Variants in IGSF11 observed in about 807,000 individuals in gnomAD.
The protein encoded by IGSF11 is immunoglobulin superfamily member 11, also known as CXADR like 1.
IGSF11 carries 22 observed loss-of-function variants against 41.0 expected under a neutral mutation model. That is an observed-to-expected ratio of 0.54 (90% CI 0.38 to 0.77). The LOEUF is 0.77. Ranked by LOEUF, IGSF11 falls within the 30% of genes least tolerant of loss-of-function variation. The pLI is 0.00. For missense variants in IGSF11, 444 were observed against 530.8 expected (o/e 0.84, Z 1.61); for synonymous variants, 219 against 201.3 (o/e 1.09, Z -0.74).
intron 1 of IGSF11, among the ~76,000 whole-genome samples, chr3:119,046,308 T>C (rs1442143473): frequency 1.3e-5 from 2 of 151,724 alleles, no homozygotes; most frequent in Non-Finnish European, 2.9e-5. Flanking sequence ...AAGGAGCTGA[T>C]GGAGCTGAAA....
At chr3:119,035,496 C>T (rs2107743056), upstream of IGSF11, among the ~76,000 whole-genome samples, 1 of 152,290 alleles carries the variant, frequency 6.6e-6, no homozygotes, top group South Asian at 2.1e-4. Flanking sequence ...AACCTTATGT[C>T]AACTTCTAAT....
intron 1 of IGSF11, among the ~76,000 whole-genome samples, chr3:119,050,540 T>G (rs180837453): frequency 0.022 from 3,331 of 151,808 alleles, 130 homozygotes; most frequent in African/African-American, 0.072. Flanking sequence ...ACTTTTACAC[T>G]GTTAGTGGGA....
intron 1 of IGSF11, among the ~76,000 whole-genome samples, chr3:119,067,579 C>A (rs933962941): frequency 1.3e-5 from 2 of 152,210 alleles, no homozygotes; most frequent in African/African-American, 4.8e-5. Context: ...CAGCTTAGCT[C>A]TTCAGCTCCC....
chr3:118,940,067 A>C (rs1040096333), intron 1 of IGSF11, among the ~76,000 whole-genome samples: 1 of 152,208 alleles, frequency 6.6e-6, no homozygotes, highest in Admixed American at 6.5e-5. Flanking sequence ...AGATATTATC[A>C]GTACCAATAA....
chr3:119,052,471 G>C, intron 1 of IGSF11, among the ~76,000 whole-genome samples: 1 of 107,086 alleles, frequency 9.3e-6, no homozygotes, highest in Non-Finnish European at 1.8e-5. Flanking sequence ...GGGAGGGAGG[G>C]AAGGAGGAAG....
At chr3:118,930,297 G>A in intron 1 of IGSF11, 22 bp from the exon 2 acceptor site, 1 of 1,597,606 alleles carries the variant, frequency 6.3e-7, no homozygotes, top group Non-Finnish European at 8.5e-7. Context: ...GGAACAGGGA[G>A]GTTATATGCT....
At chr3:118,974,284 C>T (rs1933811372) in intron 1 of IGSF11, among the ~76,000 whole-genome samples, 1 of 152,002 alleles carries the variant, frequency 6.6e-6, no homozygotes, top group Admixed American at 6.6e-5. Flanking sequence ...GGGGATAGAG[C>T]AGTATTTCAT....
At chr3:118,985,176 T>C (rs1935128116) in intron 1 of IGSF11, among the ~76,000 whole-genome samples, 1 of 152,166 alleles carries the variant, frequency 6.6e-6, no homozygotes, top group Non-Finnish European at 1.5e-5. Context: ...CACATTAAAA[T>C]TTAAAACCCT....
intron 1 of IGSF11, among the ~76,000 whole-genome samples, chr3:119,129,553 T>C (rs1452697028): frequency 6.6e-6 from 1 of 152,154 alleles, no homozygotes; most frequent in African/African-American, 2.4e-5. Flanking sequence ...AGTTAAGGTG[T>C]AGAGATTTTA....
chr3:118,987,922 T>C (rs1447168815), intron 1 of IGSF11, among the ~76,000 whole-genome samples: 3 of 152,204 alleles, frequency 2.0e-5, no homozygotes, highest in Non-Finnish European at 4.4e-5. Context: ...TCACCATTAC[T>C]CCAACTGGGC....
At chr3:119,057,403 T>A (rs1941886298) in intron 1 of IGSF11, among the ~76,000 whole-genome samples, 1 of 152,012 alleles carries the variant, frequency 6.6e-6, no homozygotes, top group South Asian at 2.1e-4. Context: ...TACCTAGGAA[T>A]CCAACTTACA....
chr3:118,957,017 C>T (rs913619975), intron 1 of IGSF11, among the ~76,000 whole-genome samples: 1 of 151,792 alleles, frequency 6.6e-6, no homozygotes, highest in African/African-American at 2.4e-5. Flanking sequence ...GCTGAGAAGT[C>T]CCATGATTTT....
chr3:118,953,817 A>G (rs116446533), intron 1 of IGSF11, among the ~76,000 whole-genome samples: 3,988 of 152,152 alleles, frequency 0.026, 146 homozygotes, highest in African/African-American at 0.091. Flanking sequence ...TGTCAGATGT[A>G]CAGACTGTGA....
At chr3:118,965,442 C>G (rs1411388485) in intron 1 of IGSF11, among the ~76,000 whole-genome samples, 1 of 151,822 alleles carries the variant, frequency 6.6e-6, no homozygotes, top group Non-Finnish European at 1.5e-5. Context: ...AATAAAAGAG[C>G]TCTTCTCTCT....
At chr3:119,035,118 T>A (rs2107742575), upstream of IGSF11, among the ~76,000 whole-genome samples, 1 of 152,146 alleles carries the variant, frequency 6.6e-6, no homozygotes, top group East Asian at 1.9e-4. Flanking sequence ...CTCGCCGGAG[T>A]TAGGGCCCCT....
intron 1 of IGSF11, among the ~76,000 whole-genome samples, chr3:118,980,365 T>C (rs1934588114): frequency 6.6e-6 from 1 of 152,188 alleles, no homozygotes; most frequent in Admixed American, 6.5e-5. Context: ...AATCATGTCA[T>C]TTGTCACAAC....
chr3:118,906,195 G>A (rs912969390), intron 4 of IGSF11, among the ~76,000 whole-genome samples: 1 of 152,222 alleles, frequency 6.6e-6, no homozygotes, highest in Non-Finnish European at 1.5e-5. Context: ...AGTTGTTTGT[G>A]TTAGCTCAGA....
At chr3:119,142,245 A>G (rs1230865445) in intron 1 of IGSF11, among the ~76,000 whole-genome samples, 1 of 140,580 alleles carries the variant, frequency 7.1e-6, no homozygotes, top group Non-Finnish European at 1.5e-5. Flanking sequence ...ACTGCATTCC[A>G]GCCTGGGCGA....
At chr3:119,005,363 A>C (rs1020687175) in intron 1 of IGSF11, among the ~76,000 whole-genome samples, 11 of 150,390 alleles carry the variant, frequency 7.3e-5, no homozygotes, top group African/African-American at 2.5e-4. Flanking sequence ...GTGTCTCTGC[A>C]CGTGAGATGG....
Sources: gnomAD v4.1 joint callset for allele counts (sites outside exome capture counted in the v4.1 genomes callset) on GRCh38, gnomAD v4.1.1 for gene constraint, MANE v1.5 for transcripts, NCBI Gene and HGNC (gene_info 2026-07-23, HGNC 2026-07-21) for gene names.